The following PDE10A variants were observed in gnomAD, a reference collection of about 807,000 sequenced individuals.
PDE10A encodes the protein phosphodiesterase 10A, also known as cAMP and cAMP-inhibited cGMP 3',5'-cyclic phosphodiesterase 10A.
PDE10A carries 39 observed loss-of-function variants against 97.7 expected under a neutral mutation model. The observed-to-expected ratio is 0.40, with a 90% CI of 0.31 to 0.52. PDE10A has a LOEUF of 0.52. Among genes scored for constraint, PDE10A ranks in the 20% least tolerant of loss-of-function variants. The pLI is 0.56. For synonymous variants in PDE10A, 371 were observed against 376.8 expected (o/e 0.98, Z 0.18); for missense variants, 731 against 1,047.8 (o/e 0.70, Z 4.17).
chr6:165,872,200 A>G (rs1449022863), intron 1 of PDE10A, among the ~76,000 whole-genome samples: 2 of 152,186 alleles, frequency 1.3e-5, no homozygotes, highest in African/African-American at 4.8e-5. Context: ...TGTATTTGTA[A>G]CATGCACATT....
rs536449194 is a variant in PDE10A at position 165,721,759 on chromosome 6, T to G, written c.-614-178191A>C. The stretch of plus-strand genomic sequence containing the variant: ...ATTCACTATCTGTGCAAATATCACC[T>G]GTCTCATACCATCTTTTAATTACTT... On this transcript the variant is annotated intron_variant, in intron 1 of 19. Coordinates refer to the PDE10A transcript ENST00000366882. Among the ~76,000 whole-genome samples the G allele has an allele frequency of 1.0e-3, 153 of 152,388 alleles. 1 individual carries two copies. The highest frequency in any genetic ancestry group is 3.5e-3 in the African/African-American group (147 of 41,598).
intron 1 of PDE10A, among the ~76,000 whole-genome samples, chr6:165,945,018 T>C (rs1043873660): frequency 6.6e-6 from 1 of 152,192 alleles, no homozygotes; most frequent in Non-Finnish European, 1.5e-5. Context: ...GACCCCCATC[T>C]CCTGGTGTTC....
At chr6:165,934,225 C>T (rs1783249224) in intron 1 of PDE10A, among the ~76,000 whole-genome samples, 1 of 146,268 alleles carries the variant, frequency 6.8e-6, no homozygotes, top group Non-Finnish European at 1.5e-5. Context: ...GTCTTGAGCT[C>T]CTGACCTCAA....
chr6:165,510,941 A>T (rs1162739708), intron 2 of PDE10A, among the ~76,000 whole-genome samples: 7 of 149,252 alleles, frequency 4.7e-5, no homozygotes, highest in African/African-American at 1.2e-4. Flanking sequence ...ATGGTTTATC[A>T]TTTTTTTTTA....
intron 2 of PDE10A, among the ~76,000 whole-genome samples, chr6:165,515,891 C>G (rs1009630808): frequency 6.6e-6 from 1 of 151,986 alleles, no homozygotes; most frequent in Non-Finnish European, 1.5e-5. Context: ...TTTTCTTAAC[C>G]CACTGCTGTT....
At position 165,839,530 on chromosome 6, in the gene PDE10A, T is replaced by C. The variant is rs368173005; in HGVS notation, c.-615+147999A>G. ...GGAGAGTTCCAGTCCCCAATTCCTA[T>C]GGAGAAACAATTCCGAAAGATGAGA... On this transcript the variant is annotated intron_variant, in intron 1 of 19. Transcript: ENST00000366882. Among the ~76,000 whole-genome samples the C allele has an allele frequency of 2.4e-4, 36 of 152,332 alleles. 1 individual carries two copies. In the South Asian group the frequency reaches 6.4e-3, roughly 27 times the overall value.
chr6:165,621,298 C>CA lies in PDE10A; in HGVS notation c.865+40648dup, dbSNP rs201406861. The stretch of plus-strand genomic sequence containing the variant: ...TCCTCACCTAGCAAATTTAAGCTTT[C>CA]AAAAAAAAAAAAACTAAGCTTCGTA... On this transcript the variant is annotated intron_variant, in intron 1 of 21. Coordinates refer to ENST00000539869, the MANE Select transcript of PDE10A (RefSeq NM_001385079.1). Among the ~76,000 whole-genome samples the CA allele has an allele frequency of 5.8e-3, 797 of 137,984 alleles. 3 individuals carry two copies. Among genetic ancestry groups the CA allele is most frequent in the South Asian group, 0.031 (131 of 4,198 alleles). 90.5% of individuals were successfully genotyped at this position (137,984 alleles called of 152,430 possible).
chr6:165,984,517 C>T (rs535343805), intron 1 of PDE10A, among the ~76,000 whole-genome samples: 8 of 152,336 alleles, frequency 5.3e-5, no homozygotes, highest in African/African-American at 1.9e-4. Flanking sequence ...ACTTCGTCTG[C>T]TCTTAACCAA....
chr6:165,610,400 A>G (rs1787433926), intron 1 of PDE10A, among the ~76,000 whole-genome samples: 5 of 152,052 alleles, frequency 3.3e-5, no homozygotes, highest in Admixed American at 2.6e-4. Context: ...GCATGGTGGC[A>G]GGCGCCTGTA....
intron 1 of PDE10A, among the ~76,000 whole-genome samples, chr6:165,835,300 T>G (rs1394322098): frequency 6.6e-6 from 1 of 152,270 alleles, no homozygotes; most frequent in Non-Finnish European, 1.5e-5. Context: ...CTCAAATGTC[T>G]TGGGATATTC....
chr6:165,771,397 C>T (rs1356218382), intron 1 of PDE10A, among the ~76,000 whole-genome samples: 1 of 151,918 alleles, frequency 6.6e-6, no homozygotes, highest in Non-Finnish European at 1.5e-5. Flanking sequence ...CTCACATGAG[C>T]CCTACAGACG....
chr6:165,829,668 C>T (rs1779855833), intron 1 of PDE10A, among the ~76,000 whole-genome samples: 1 of 152,224 alleles, frequency 6.6e-6, no homozygotes, highest in Non-Finnish European at 1.5e-5. Context: ...CGATAAACTG[C>T]CGGTCCCATC....
intron 1 of PDE10A, among the ~76,000 whole-genome samples, chr6:165,573,124 A>G: frequency 6.6e-6 from 1 of 152,178 alleles, no homozygotes; most frequent in East Asian, 1.9e-4. Flanking sequence ...TCAACAAGGC[A>G]GCCATAAAAT....
At chr6:165,729,290 A>C (rs1792369052) in intron 1 of PDE10A, among the ~76,000 whole-genome samples, 1 of 152,160 alleles carries the variant, frequency 6.6e-6, no homozygotes, top group Admixed American at 6.5e-5. Flanking sequence ...TCCCCAAAAT[A>C]TGGTAGAGAT....
intron 2 of PDE10A, among the ~76,000 whole-genome samples, chr6:165,504,353 A>C (rs1169001458): frequency 6.6e-6 from 1 of 152,252 alleles, no homozygotes; most frequent in Non-Finnish European, 1.5e-5. Context: ...TTAAACCGTG[A>C]TAGCATTAAA....
At chr6:165,807,858 C>T (rs530149184) in intron 1 of PDE10A, among the ~76,000 whole-genome samples, 175 of 152,252 alleles carry the variant, frequency 1.1e-3, no homozygotes, top group Non-Finnish European at 1.5e-3. Context: ...ACGCCTTGTG[C>T]CTGTTTCCAT....
chr6:165,788,284 G>A (rs762999707), intron 1 of PDE10A, among the ~76,000 whole-genome samples: 21 of 152,144 alleles, frequency 1.4e-4, no homozygotes, highest in Middle Eastern at 3.4e-3. Context: ...TTGGGAGGCC[G>A]AGGCGGGCAG....
chr6:165,943,383 C>A (rs191732420), intron 1 of PDE10A, among the ~76,000 whole-genome samples: 1 of 107,226 alleles, frequency 9.3e-6, no homozygotes, highest in East Asian at 2.7e-4. Flanking sequence ...AACGAACGAA[C>A]TGAGTATACA....
At chr6:165,386,839 A>G (rs368843322) in intron 17 of PDE10A, among the ~76,000 whole-genome samples, 92 of 116,588 alleles carry the variant, frequency 7.9e-4, no homozygotes, top group Middle Eastern at 4.6e-3. Flanking sequence ...CAGCTCTACT[A>G]AAAAAAAAAA....
Sources: allele counts gnomAD v4.1 joint callset (sites outside exome capture counted in the v4.1 genomes callset), GRCh38; gene constraint gnomAD v4.1.1; transcripts MANE v1.5; gene names NCBI Gene and HGNC (gene_info 2026-07-23, HGNC 2026-07-21).